Variants in BDH1 observed in about 807,000 individuals in gnomAD.
BDH1 encodes D-beta-hydroxybutyrate dehydrogenase, mitochondrial.
In BDH1, 30 loss-of-function variants were observed where a neutral mutation model predicts 33.1. The ratio of observed to expected loss-of-function variants is 0.91; its 90% CI spans 0.68 to 1.23. The LOEUF (loss-of-function observed/expected upper bound fraction) is 1.23, where lower values mean the gene tolerates loss of function less well. Ranked by LOEUF, BDH1 falls within the 50% of genes most tolerant of loss-of-function variation. The probability of loss-of-function intolerance (pLI) is 0.00; values close to 1 mark genes in which losing one functional copy is unlikely to be tolerated. For synonymous variants in BDH1, 190 were observed against 183.6 expected (o/e 1.03, Z -0.28); for missense variants, 443 against 464.4 (o/e 0.95, Z 0.42).
At chr3:197,568,116 A>C (rs1580022405) in intron 1 of BDH1, among the ~76,000 whole-genome samples, 1 of 152,212 alleles carries the variant, frequency 6.6e-6, no homozygotes, top group African/African-American at 2.4e-5. Flanking sequence ...AATTCAGGAC[A>C]GTGCAGGTTA....
At chr3:197,519,901 C>T (rs925217739) in intron 6 of BDH1, among the ~76,000 whole-genome samples, 7 of 152,144 alleles carry the variant, frequency 4.6e-5, no homozygotes, top group Non-Finnish European at 8.8e-5. Flanking sequence ...ATCTCGCCCC[C>T]GTGGCTGGCT....
At chr3:197,530,020 C>T (rs1425738250) in intron 5 of BDH1, 1 of 152,190 alleles carries the variant, frequency 6.6e-6, no homozygotes, top group East Asian at 1.9e-4. Context: ...TCCTTGCAGC[C>T]AGGTAAGGCC....
chr3:197,522,787 G>T lies in BDH1; in HGVS notation c.268-6C>A, dbSNP rs1481705748. On this transcript the variant is annotated splice_polypyrimidine_tract_variant and splice_region_variant and intron_variant, in intron 5 of 7. Coordinates refer to ENST00000392379, the MANE Select transcript of BDH1 (RefSeq NM_203314.3). This position sits in a 1 kb window ranked among gnomAD's most constrained non-coding sequence, Gnocchi z 4.8. ...ACCCCATCATGGCCTTTGTCCTGGG[G>T]AGGAGAGAAGAGCTGCTTCTACCTC... is the stretch of plus-strand genomic sequence containing the variant. 1.2e-6 allele frequency: 2 copies of T among 1,613,300 alleles called. No homozygotes were observed. The highest frequency in any genetic ancestry group is 1.7e-6 in the Non-Finnish European group (2 of 1,179,544).
chr3:197,561,725 C>T (rs564823421), intron 1 of BDH1, among the ~76,000 whole-genome samples: 103 of 152,042 alleles, frequency 6.8e-4, no homozygotes, highest in Middle Eastern at 3.2e-3. Flanking sequence ...TTCCAAATTA[C>T]GGGTAACAAA....
upstream of BDH1, among the ~76,000 whole-genome samples, chr3:197,556,473 G>A (rs1442192954): frequency 6.6e-6 from 1 of 152,164 alleles, no homozygotes; most frequent in Non-Finnish European, 1.5e-5. Context: ...TTCGAGACCA[G>A]CCTGGCCAAC....
intron 5 of BDH1, chr3:197,529,643 T>G (rs1714459360): frequency 6.6e-6 from 1 of 152,244 alleles, no homozygotes; most frequent in Non-Finnish European, 1.5e-5. Context: ...GAATTTATTA[T>G]GAATATGTAG....
intron 3 of BDH1, among the ~76,000 whole-genome samples, chr3:197,534,678 ACGC>A (rs1401279438): frequency 9.9e-5 from 15 of 152,220 alleles, no homozygotes; most frequent in African/African-American, 1.9e-4. Context: ...TGGCTATAGT[ACGC>A]TACAGCCCCA....
intron 3 of BDH1, among the ~76,000 whole-genome samples, chr3:197,542,264 G>A (rs1337844662): frequency 6.6e-6 from 1 of 152,200 alleles, no homozygotes; most frequent in Non-Finnish European, 1.5e-5. Flanking sequence ...AGGGGTTCCT[G>A]CTATTCTTAG....
At chr3:197,537,529 G>A (rs1715260066) in intron 3 of BDH1, among the ~76,000 whole-genome samples, 1 of 151,954 alleles carries the variant, frequency 6.6e-6, no homozygotes, top group South Asian at 2.1e-4. Flanking sequence ...TTACCTTATT[G>A]CACTGGCTAG....
chr3:197,549,615 G>A (rs1716384109), intron 2 of BDH1, among the ~76,000 whole-genome samples: 1 of 152,232 alleles, frequency 6.6e-6, no homozygotes, highest in Non-Finnish European at 1.5e-5. Context: ...ACTCCCAAGT[G>A]GGAGGCAAAG....
chr3:197,533,520 C>T lies in BDH1; in HGVS notation c.125G>A (p.Gly42Asp). Reference sequence around the variant, plus strand: ...CGCCGCACTGGCATAAGTCCGACGGCCAATCGGGATAAAGGAAGTAGAACC... The same window carrying T: ...CGCCGCACTGGCATAAGTCCGACGGTCAATCGGGATAAAGGAAGTAGAACC... ...LLGSTSFIPI[G>D]RRTYASAAEP... Residue 42 changes from glycine to aspartate, a missense_variant, in exon 4 of 8, where the codon GGC becomes GAC. Physicochemically the swap from Gly to Asp is moderately conservative, Grantham distance 94. Transcript: ENST00000392379. 6.2e-7 allele frequency: 1 copy of T among 1,614,230 alleles called. No homozygotes were observed. The highest frequency in any genetic ancestry group is 8.5e-7 in the Non-Finnish European group (1 of 1,180,042).
intron 7 of BDH1, 61 bp from the exon 8 acceptor site, chr3:197,512,425 A>T (rs779465065): frequency 2.1e-5 from 32 of 1,517,842 alleles, no homozygotes; most frequent in Non-Finnish European, 2.8e-5. Flanking sequence ...AGCGGGCAGA[A>T]GTCTGGCATG....
chr3:197,545,804 G>C (rs1179975553), intron 3 of BDH1, among the ~76,000 whole-genome samples: 4 of 152,190 alleles, frequency 2.6e-5, no homozygotes, highest in African/African-American at 9.6e-5. Flanking sequence ...TGCAACTTTT[G>C]TATAAGTCCA....
intron 5 of BDH1, among the ~76,000 whole-genome samples, chr3:197,527,033 C>G (rs1714166306): frequency 6.6e-6 from 1 of 152,234 alleles, no homozygotes; most frequent in South Asian, 2.1e-4. Context: ...AATACTGAGG[C>G]AGCCAATGAG....
chr3:197,513,707 C>A (rs966837565), intron 7 of BDH1, among the ~76,000 whole-genome samples: 6 of 152,208 alleles, frequency 3.9e-5, no homozygotes, highest in Non-Finnish European at 8.8e-5. Context: ...ATGGATCTTA[C>A]CCTTTTTGCC....
At chr3:197,545,014 C>G (rs113239073) in intron 3 of BDH1, among the ~76,000 whole-genome samples, 5,257 of 152,278 alleles carry the variant, frequency 0.035, 303 homozygotes, top group African/African-American at 0.12. Context: ...TGCCACATTG[C>G]CTGGGCAACA....
rs1713553321 is a variant in BDH1 at position 197,521,562 on chromosome 3, A to C, written c.409+1078T>G. 6.7e-6 allele frequency among the ~76,000 whole-genome samples: 1 copy of C among 149,708 alleles called. No homozygotes were observed. The highest frequency in any genetic ancestry group is 1.5e-5 in the Non-Finnish European group (1 of 67,342). On this transcript the variant is annotated intron_variant, in intron 6 of 7. Transcript: ENST00000392379. The surrounding 1 kb of genome is among the most constrained non-coding windows in gnomAD (Gnocchi z 4.9). ...AGGGGTCCCTCTGTGCATCTCCCCGACTCCCAGTGTCACCTGCCGTGGGCA... is the reference window on the plus strand; with the variant it reads ...AGGGGTCCCTCTGTGCATCTCCCCGCCTCCCAGTGTCACCTGCCGTGGGCA...
chr3:197,545,879 G>A (rs1391754675), intron 3 of BDH1, among the ~76,000 whole-genome samples: 1 of 152,242 alleles, frequency 6.6e-6, no homozygotes, highest in Non-Finnish European at 1.5e-5. Flanking sequence ...GCTCATGCCT[G>A]TAAACCTAGC....
intron 3 of BDH1, chr3:197,546,016 A>T (rs2108757844): frequency 5.8e-6 from 1 of 171,810 alleles, no homozygotes; most frequent in Admixed American, 5.9e-5. Context: ...AGGTGCCTGT[A>T]ATCCCAGCTA....
Sources: allele counts gnomAD v4.1 joint callset (sites outside exome capture counted in the v4.1 genomes callset), GRCh38; gene constraint gnomAD v4.1.1; non-coding constraint Gnocchi (gnomAD v3.1); transcripts MANE v1.5; gene names NCBI Gene and HGNC (gene_info 2026-07-23, HGNC 2026-07-21).